GNA12: variants seen among roughly 807,000 people sequenced by gnomAD.
The protein encoded by GNA12 is G protein subunit alpha 12, also known as guanine nucleotide-binding protein subunit alpha-12.
A neutral mutation model predicts 26.0 loss-of-function variants in GNA12; 9 were observed. The ratio of observed to expected loss-of-function variants is 0.35; its 90% confidence interval spans 0.21 to 0.60. The LOEUF is 0.60. Ranked by LOEUF, GNA12 falls within the 20% of genes least tolerant of loss-of-function variation. The pLI is 0.78. For synonymous variants in GNA12, 264 were observed against 219.6 expected, an observed-to-expected ratio of 1.20 and a Z score of -1.79; for missense variants, 405 against 525.8, an observed-to-expected ratio of 0.77 and a Z score of 2.25.
chr7:2,814,286 G>A (rs375379322), intron 1 of GNA12: 14 of 1,187,854 alleles, frequency 1.2e-5, no homozygotes, highest in South Asian at 2.4e-5. Flanking sequence ...ATCTGTGGCC[G>A]AGGAGTTGAA....
intron 2 of GNA12, among the ~76,000 whole-genome samples, chr7:2,757,881 TC>T (rs1429046577): frequency 3.3e-5 from 5 of 152,202 alleles, no homozygotes; most frequent in African/African-American, 1.2e-4. Context: ...AAATATTTTT[TC>T]CTTTAATAGC....
intron 1 of GNA12, among the ~76,000 whole-genome samples, chr7:2,815,796 TG>T (rs1299286171): frequency 3.3e-5 from 5 of 152,252 alleles, no homozygotes; most frequent in African/African-American, 1.2e-4. Flanking sequence ...CAGTCCCGTC[TG>T]TGTCTTAGCA....
chr7:2,814,363 G>C (rs767194022), intron 1 of GNA12: 12 of 1,602,664 alleles, frequency 7.5e-6, no homozygotes, highest in Admixed American at 3.3e-5. Context: ...AGCACTTTCG[G>C]TTTCCATCTG....
intron 2 of GNA12, among the ~76,000 whole-genome samples, chr7:2,749,307 T>C (rs1357173285): frequency 7.2e-5 from 11 of 152,310 alleles, no homozygotes; most frequent in Admixed American, 6.5e-4. Flanking sequence ...GTGCCACATA[T>C]ACACCATGGA....
rs551171817 is a variant in GNA12, at chr7:2,820,553, A to G, written c.309+23300T>C. 7.9e-5 allele frequency among the ~76,000 whole-genome samples: 12 copies of G among 152,256 alleles called. No individual in the cohort carries two copies. The South Asian group carries it at 2.5e-3, about 32-fold the overall frequency. ...ACAAAAAAATAAAAAATAAAATTAA[A>G]AAAGCTAAAAAATTGAAAAAGAAAG... On this transcript the variant is annotated intron_variant, in intron 1 of 3. Coordinates refer to ENST00000275364, the MANE Select transcript of GNA12 (RefSeq NM_007353.3).
intron 2 of GNA12, among the ~76,000 whole-genome samples, chr7:2,750,557 G>A (rs943521328): frequency 2.0e-5 from 3 of 152,168 alleles, no homozygotes; most frequent in Non-Finnish European, 4.4e-5. Context: ...CAATAAAACA[G>A]AACAATTGTA....
chr7:2,814,994 T>C (rs1286233474), intron 1 of GNA12: 28 of 1,546,034 alleles, frequency 1.8e-5, no homozygotes, highest in Non-Finnish European at 2.4e-5. Flanking sequence ...CGTCACTGTA[T>C]CCAGGTCTAA....
chr7:2,749,246 G>A (rs898159812), intron 2 of GNA12, among the ~76,000 whole-genome samples: 4 of 152,120 alleles, frequency 2.6e-5, no homozygotes, highest in Non-Finnish European at 5.9e-5. Flanking sequence ...CAATAGCAAA[G>A]ACTTGGAACC....
intron 2 of GNA12, among the ~76,000 whole-genome samples, chr7:2,779,601 A>G (rs1792170221): frequency 6.6e-6 from 1 of 152,000 alleles, no homozygotes; most frequent in South Asian, 2.1e-4. Flanking sequence ...ATTTTTAAAA[A>G]CTTTTTAACT....
At position 2,731,571 on chromosome 7, in the gene GNA12, G is replaced by C. The variant is rs1487131468; in HGVS notation, c.756C>G (p.Val252=). The C allele has an allele frequency of 1.9e-6, 3 of 1,612,766 alleles. No individual in the cohort carries two copies. Among genetic ancestry groups the C allele is most frequent in the Non-Finnish European group, 2.5e-6 (3 of 1,179,166 alleles). The change falls in exon 4 of 4, where the codon GTC becomes GTG. Residue 252 remains valine (V), a synonymous_variant. Coordinates refer to ENST00000275364, the MANE Select transcript of GNA12 (RefSeq NM_007353.3). This position sits in a 1 kb window ranked among gnomAD's most constrained non-coding sequence, Gnocchi z 6.0. ...FDGITSILFM[V]SSSEYDQVLM... is the part of the protein sequence containing the mutation. ...GGACCTGGTCGTACTCGCTGGAGGA[G>C]ACCATGAACAGGATGGACGTGATCC...
Position 2,731,791 on chromosome 7 carries a change from G to T in GNA12, c.577-41C>A, listed in dbSNP as rs748851227. On this transcript the variant is annotated intron_variant, in intron 3 of 3. Transcript: ENST00000275364. The surrounding 1 kb of genome is among the most constrained non-coding windows in gnomAD (Gnocchi z 6.0). ...TGAGGCAGAAATTTAGGGGGAGGAA[G>T]AAAGAACAGAGAAAATAGAAACAAA... is the stretch of plus-strand genomic sequence containing the variant. The T allele has an allele frequency of 5.8e-6, 6 of 1,029,358 alleles. No individual in the cohort carries two copies. The highest frequency in any genetic ancestry group is 2.2e-5 in the South Asian group (1 of 45,280). 63.8% of individuals were successfully genotyped at this position (1,029,358 alleles called of 1,614,324 possible).
intron 1 of GNA12, among the ~76,000 whole-genome samples, chr7:2,825,678 C>G (rs17132735): frequency 0.021 from 3,161 of 152,198 alleles, 117 homozygotes; most frequent in African/African-American, 0.072. Flanking sequence ...GGAAAGCAGC[C>G]TTATGAAAAA....
Position 2,749,221 on chromosome 7 carries a change from T to C in GNA12, c.526-15720A>G, listed in dbSNP as rs558178568. ...AAAGACACATGCACACGTGTGTTTA[T>C]TGCGGCACTATTCACAATAGCAAAG... On this transcript the variant is annotated intron_variant, in intron 2 of 3. Coordinates refer to ENST00000275364, the MANE Select transcript of GNA12 (RefSeq NM_007353.3). Among the ~76,000 whole-genome samples the C allele has an allele frequency of 5.9e-3, 905 of 152,324 alleles. 7 individuals carry two copies. Among genetic ancestry groups the C allele is most frequent in the African/African-American group, 0.02 (830 of 41,560 alleles).
At chr7:2,773,388 C>T (rs1164978522) in intron 2 of GNA12, among the ~76,000 whole-genome samples, 1 of 152,182 alleles carries the variant, frequency 6.6e-6, no homozygotes, top group African/African-American at 2.4e-5. Flanking sequence ...CATGGCAAAA[C>T]CCCTTCTCTA....
chr7:2,825,917 G>A (rs1793474997), intron 1 of GNA12, among the ~76,000 whole-genome samples: 1 of 152,078 alleles, frequency 6.6e-6, no homozygotes, highest in South Asian at 2.1e-4. Context: ...TATATCATTA[G>A]GGCACTGCTA....
At chr7:2,779,896 C>T (rs116205311) in intron 2 of GNA12, among the ~76,000 whole-genome samples, 1,964 of 151,168 alleles carry the variant, frequency 0.013, 46 homozygotes, top group African/African-American at 0.045. Flanking sequence ...GCAGGCTTGG[C>T]GAATAATACA....
chr7:2,774,686 A>G (rs1291500944), intron 2 of GNA12, among the ~76,000 whole-genome samples: 1 of 152,228 alleles, frequency 6.6e-6, no homozygotes, highest in Non-Finnish European at 1.5e-5. Flanking sequence ...CTGAATCTTC[A>G]TTCCTTTTGC....
intron 2 of GNA12, among the ~76,000 whole-genome samples, chr7:2,753,978 C>A (rs1044948649): frequency 1.3e-5 from 2 of 152,126 alleles, no homozygotes; most frequent in Non-Finnish European, 1.5e-5. Context: ...GTGCTTTGTT[C>A]ACTTGGATAT....
intron 1 of GNA12, among the ~76,000 whole-genome samples, chr7:2,822,420 T>C (rs1292966761): frequency 6.6e-6 from 1 of 152,196 alleles, no homozygotes; most frequent in Non-Finnish European, 1.5e-5. Flanking sequence ...CTAAGACATA[T>C]CTTATGGAAG....
Sources: allele counts gnomAD v4.1 joint callset (sites outside exome capture counted in the v4.1 genomes callset), GRCh38; gene constraint gnomAD v4.1.1; non-coding constraint Gnocchi (gnomAD v3.1); transcripts MANE v1.5; gene names NCBI Gene and HGNC (gene_info 2026-07-23, HGNC 2026-07-21).